ABCA10: variants seen among roughly 807,000 people sequenced by gnomAD.
ABCA10 encodes the protein ATP-binding cassette sub-family A member 10.
Under a neutral mutation model 187.5 loss-of-function variants are expected in ABCA10, and 169 were observed. The observed-to-expected ratio is 0.90, with a 90% CI of 0.80 to 1.02. The LOEUF (loss-of-function observed/expected upper bound fraction) is 1.02. Among genes scored for constraint, ABCA10 ranks in the 50% least tolerant of loss-of-function variants. The pLI is 0.00. For synonymous variants in ABCA10, 574 were observed against 601.8 expected, an observed-to-expected ratio of 0.95 and a Z score of 0.68; for missense variants, 1,727 against 1,812.4, an observed-to-expected ratio of 0.95 and a Z score of 0.86.
At chr17:69,233,346 A>G (rs952017374), upstream of ABCA10, 1 of 151,520 alleles carries the variant, frequency 6.6e-6, no homozygotes, top group African/African-American at 2.4e-5. Context: ...TCTGCTCTTG[A>G]TGGTCTCTAT....
Position 69,174,702 on chromosome 17 carries a change from T to C in ABCA10, c.2953A>G (p.Ile985Val), listed in dbSNP as rs1481716680. Residue 985 changes from isoleucine to valine, a missense_variant, in exon 24 of 39, where the codon ATT becomes GTT. Ile to Val is a conservative substitution (Grantham distance 29, BLOSUM62 3). Transcript: ENST00000690296. ...AYWCGQALVDIPLYFLILFSI... is the reference protein window; with the variant it reads ...AYWCGQALVDVPLYFLILFSI... ...AAGAGAATCAAGAAGTATAATGGAA[T>C]GTCCACCAGAGCCTGTCCACACCAG... 1.7e-5 allele frequency: 28 copies of C among 1,612,272 alleles called. No individual in the cohort carries two copies. Among genetic ancestry groups the C allele is most frequent in the Non-Finnish European group, 2.4e-5 (28 of 1,178,826 alleles).
intron 9 of ABCA10, among the ~76,000 whole-genome samples, chr17:69,209,382 C>G (rs1432225458): frequency 6.6e-6 from 1 of 152,074 alleles, no homozygotes; most frequent in African/African-American, 2.4e-5. Flanking sequence ...AGCCAATTTG[C>G]CACATACATA....
intron 6 of ABCA10, among the ~76,000 whole-genome samples, chr17:69,217,818 G>C (rs2074717582): frequency 6.6e-6 from 1 of 151,994 alleles, no homozygotes; most frequent in Non-Finnish European, 1.5e-5. Context: ...AATTCACAAA[G>C]CTATATATTT....
intron 10 of ABCA10, 133 bp downstream of exon 10, chr17:69,201,367 A>C (rs1443437566): frequency 7.5e-6 from 6 of 800,210 alleles, no homozygotes; most frequent in African/African-American, 1.8e-5. Flanking sequence ...ATGGTGAATG[A>C]GAGGAATTTA....
At chr17:69,242,683 C>T (rs1466164567) in intron 1 of ABCA10, among the ~76,000 whole-genome samples, 3 of 152,152 alleles carry the variant, frequency 2.0e-5, no homozygotes, top group Admixed American at 6.5e-5. Context: ...AGACTGGTCT[C>T]GAACTACTGA....
rs765281292 is a variant in ABCA10 at position 69,153,971 on chromosome 17, C to T, written c.3825G>A (p.Gln1275=). 1.9e-6 allele frequency: 3 copies of T among 1,613,996 alleles called. No individual in the cohort carries two copies. Among genetic ancestry groups the T allele is most frequent in the Non-Finnish European group, 2.5e-6 (3 of 1,179,924 alleles). Residue 1275 remains glutamine (Q), a synonymous_variant, in exon 32 of 39, where the codon CAG becomes CAA. Coordinates refer to ENST00000690296, the MANE Select transcript of ABCA10 (RefSeq NM_001377321.1). ...LQGSRASVRQ[Q]HDNSLKFLGY... ...CCAAGAACTTGAGGCTGTTGTCATG[C>T]TGTTGCCTTACTGATGCTCTGCTGC...
chr17:69,164,252 C>T (rs2074239718), intron 26 of ABCA10, 98 bp from the exon 27 acceptor site: 1 of 935,226 alleles, frequency 1.1e-6, no homozygotes, highest in Non-Finnish European at 1.5e-6. Context: ...TTCTATGGGA[C>T]AACAGTAAGT....
rs778935815 is a variant in ABCA10, at chr17:69,175,393, C to T, written c.2877+13G>A. The T allele has an allele frequency of 6.9e-6, 11 of 1,595,930 alleles. No individual in the cohort carries two copies. The East Asian group carries it at 2.5e-4, about 36-fold the overall frequency. The stretch of plus-strand genomic sequence containing the variant: ...AATCAATCTCAATCTAATTTCCTCT[C>T]TCTCCCTCTTACTTTATAATCGCTG... On this transcript the variant is annotated intron_variant, in intron 23 of 38. Coordinates refer to ENST00000690296, the MANE Select transcript of ABCA10 (RefSeq NM_001377321.1).
intron 10 of ABCA10, among the ~76,000 whole-genome samples, chr17:69,198,930 A>G (rs1054513029): frequency 6.6e-6 from 1 of 152,218 alleles, no homozygotes; most frequent in Non-Finnish European, 1.5e-5. Flanking sequence ...AGGATAGCCT[A>G]ATCTCCTTAC....
Position 69,182,140 on chromosome 17 carries a change from A to G in ABCA10, c.2769+13T>C, listed in dbSNP as rs2074384336. On this transcript the variant is annotated intron_variant, in intron 22 of 38. Coordinates refer to ENST00000690296, the MANE Select transcript of ABCA10 (RefSeq NM_001377321.1). ...CTGTGTTGCCTCTTATATAAGTCGAATACTCTACTTACACGAGAAAATGAA... is the reference window on the plus strand; with the variant it reads ...CTGTGTTGCCTCTTATATAAGTCGAGTACTCTACTTACACGAGAAAATGAA... 1 of 1,560,210 alleles carries G rather than the reference A, an allele frequency of 6.4e-7. No individual in the cohort carries two copies. Among genetic ancestry groups the G allele is most frequent in the Middle Eastern group, 2.0e-4 (1 of 5,080 alleles).
chr17:69,173,044 C>A (rs1335146429), intron 25 of ABCA10, among the ~76,000 whole-genome samples: 1 of 151,826 alleles, frequency 6.6e-6, no homozygotes, highest in Non-Finnish European at 1.5e-5. Context: ...CTTCAATGCA[C>A]CAAACAAAAT....
Position 69,216,233 on chromosome 17 carries a change from A to AAGCTAT in ABCA10, c.650_655dup (p.Tyr217_Ser218dup), listed in dbSNP as rs757038341. 3.7e-6 allele frequency: 6 copies of AAGCTAT among 1,609,332 alleles called. No individual in the cohort carries two copies. In the Admixed American group the frequency reaches 1.0e-4, roughly 27 times the overall value. On this transcript the variant is annotated inframe_insertion, in exon 7 of 39. Transcript: ENST00000690296. Reference sequence around the variant, plus strand: ...CCAACTCACCAAAGAAAGGCCATATAAGCTATAGAGTGTGAATATCACCAT... The same window carrying AAGCTAT: ...CCAACTCACCAAAGAAAGGCCATATAAGCTATAGCTATAGAGTGTGAATATCACCAT...
chr17:69,191,666 T>C (rs900344770), intron 16 of ABCA10, among the ~76,000 whole-genome samples: 9 of 152,108 alleles, frequency 5.9e-5, no homozygotes, highest in Non-Finnish European at 1.0e-4. Flanking sequence ...TATGTGTGTG[T>C]ATATATACAT....
chr17:69,180,320 C>T (rs1398449245), intron 22 of ABCA10, among the ~76,000 whole-genome samples: 1 of 152,116 alleles, frequency 6.6e-6, no homozygotes, highest in Admixed American at 6.6e-5. Flanking sequence ...CTGCTCCGTG[C>T]AATGCATCAT....
chr17:69,222,721 T>C, intron 3 of ABCA10, 24 bp from the exon 4 acceptor site: 1 of 1,538,288 alleles, frequency 6.5e-7, no homozygotes, highest in Non-Finnish European at 8.7e-7. Context: ...AAAACATAAA[T>C]AAATAATCAT....
chr17:69,214,317 C>A (rs1282137698), intron 9 of ABCA10, among the ~76,000 whole-genome samples: 4 of 151,990 alleles, frequency 2.6e-5, no homozygotes, highest in Non-Finnish European at 5.9e-5. Context: ...AGATCGAGAC[C>A]ATCCCGGCTA....
At chr17:69,171,010 T>C (rs2074293984) in intron 25 of ABCA10, among the ~76,000 whole-genome samples, 1 of 152,188 alleles carries the variant, frequency 6.6e-6, no homozygotes, top group South Asian at 2.1e-4. Flanking sequence ...GCTTGTACAA[T>C]CGTAGATGGA....
intron 19 of ABCA10, among the ~76,000 whole-genome samples, chr17:69,186,903 C>T (rs1435225868): frequency 6.6e-6 from 1 of 152,092 alleles, no homozygotes; most frequent in Non-Finnish European, 1.5e-5. Flanking sequence ...CTTTTGTGTT[C>T]ACTAATATAA....
intron 20 of ABCA10, 148 bp from the exon 21 acceptor site, chr17:69,182,956 T>C: frequency 1.1e-6 from 1 of 896,628 alleles, no homozygotes; most frequent in South Asian, 2.8e-5. Flanking sequence ...AGTACAATAC[T>C]ATTCATTCTG....
Sources: gnomAD v4.1 joint callset for allele counts (sites outside exome capture counted in the v4.1 genomes callset) on GRCh38, gnomAD v4.1.1 for gene constraint, MANE v1.5 for transcripts, NCBI Gene and HGNC (gene_info 2026-07-23, HGNC 2026-07-21) for gene names.